ZNF644: variants seen among roughly 807,000 people sequenced by gnomAD.
ZNF644 encodes zinc finger motif enhancer binding protein 2.
A neutral mutation model predicts 108.0 loss-of-function variants in ZNF644; 20 were observed. The ratio of observed to expected loss-of-function variants is 0.19; its 90% CI spans 0.13 to 0.27. The LOEUF (loss-of-function observed/expected upper bound fraction) is 0.27, where lower values mean the gene tolerates loss of function less well. ZNF644 is among the 10% of genes least tolerant of loss of function. The pLI, the probability that ZNF644 is intolerant of heterozygous loss-of-function variation, is 1.00. For synonymous variants in ZNF644, 542 were observed against 539.1 expected, an observed-to-expected ratio of 1.01 and a Z score of -0.08; for missense variants, 1,338 against 1,548.9, an observed-to-expected ratio of 0.86 and a Z score of 2.29.
intron 4 of ZNF644, chr1:90,935,569 CA>C (rs1651224537): frequency 1.0e-6 from 1 of 985,434 alleles, no homozygotes; most frequent in Non-Finnish European, 1.2e-6. Context: ...GTTCTCACTT[CA>C]AAAAGTGAAA....
At chr1:90,986,029 TA>T (rs1162352783) in intron 1 of ZNF644, among the ~76,000 whole-genome samples, 3 of 152,118 alleles carry the variant, frequency 2.0e-5, no homozygotes, top group Non-Finnish European at 4.4e-5. Context: ...ACAAGTATGA[TA>T]GAAAGTATTT....
At chr1:90,937,359 G>GT in intron 4 of ZNF644, 126 bp downstream of exon 4, 3 of 1,216,518 alleles carry the variant, frequency 2.5e-6, no homozygotes, top group Non-Finnish European at 3.5e-6. Flanking sequence ...TCTGTGCTCT[G>GT]TAAAAAAAAA....
chr1:90,940,324 T>C lies in ZNF644; in HGVS notation c.1030A>G (p.Lys344Glu). ...AVDSQKYALS[K>E]VKPESTDEDL... ...TCATCAGTTGATTCAGGCTTCACTTTTGATAATGCATATTTCTGTGAGTCT... is the reference window on the plus strand; with the variant it reads ...TCATCAGTTGATTCAGGCTTCACTTCTGATAATGCATATTTCTGTGAGTCT... Residue 344 changes from lysine to glutamate, a missense_variant, in exon 3 of 6, where the codon AAA (lysine) becomes GAA (glutamate). Coordinates refer to ENST00000337393, the MANE Select transcript of ZNF644 (RefSeq NM_201269.3). 1.2e-6 allele frequency: 2 copies of C among 1,613,960 alleles called. No individual in the cohort carries two copies. The highest frequency in any genetic ancestry group is 8.5e-7 in the Non-Finnish European group (1 of 1,179,950).
At chr1:90,966,745 C>G (rs1654938295) in intron 2 of ZNF644, among the ~76,000 whole-genome samples, 1 of 72,514 alleles carries the variant, frequency 1.4e-5, no homozygotes, top group Non-Finnish European at 2.7e-5. Flanking sequence ...GAGACTCAGT[C>G]TCAAAAAAAA....
intron 1 of ZNF644, among the ~76,000 whole-genome samples, chr1:90,996,926 A>T (rs896851632): frequency 2.6e-5 from 4 of 152,204 alleles, no homozygotes; most frequent in South Asian, 4.1e-4. Context: ...TCGCAAAGCT[A>T]TCTTAATTTG....
chr1:90,964,837 G>A (rs1030038001), intron 2 of ZNF644, among the ~76,000 whole-genome samples: 3 of 152,104 alleles, frequency 2.0e-5, no homozygotes, highest in African/African-American at 7.2e-5. Context: ...TCTTGTGATA[G>A]TATTTAGTTT....
chr1:90,990,561 C>G (rs1438494645), intron 1 of ZNF644, among the ~76,000 whole-genome samples: 1 of 152,162 alleles, frequency 6.6e-6, no homozygotes, highest in African/African-American at 2.4e-5. Context: ...TATGCAGAAT[C>G]TGGTGGTAAT....
At chr1:90,932,005 C>T (rs375610678) in intron 4 of ZNF644, among the ~76,000 whole-genome samples, 4 of 152,110 alleles carry the variant, frequency 2.6e-5, no homozygotes, top group Middle Eastern at 3.4e-3. Flanking sequence ...TGGGATGGGG[C>T]CCACAGCTTT....
chr1:91,016,961 T>C (rs1660488222), intron 1 of ZNF644, among the ~76,000 whole-genome samples: 1 of 152,156 alleles, frequency 6.6e-6, no homozygotes, highest in Admixed American at 6.5e-5. Flanking sequence ...GCCTCCCAAG[T>C]AGCTGGGACT....
chr1:90,972,500 AT>A (rs1308528850), intron 2 of ZNF644, among the ~76,000 whole-genome samples: 11 of 152,218 alleles, frequency 7.2e-5, no homozygotes, highest in Non-Finnish European at 8.8e-5. Context: ...AAACAGGAAC[AT>A]TTGTGCACTG....
At chr1:90,933,125 T>C (rs72722401) in intron 4 of ZNF644, among the ~76,000 whole-genome samples, 2,205 of 152,338 alleles carry the variant, frequency 0.014, 30 homozygotes, top group South Asian at 0.036. Context: ...CAGTTATTTA[T>C]AAGTAATTAA....
intron 4 of ZNF644, among the ~76,000 whole-genome samples, chr1:90,922,490 A>C (rs1212556110): frequency 6.6e-6 from 1 of 152,120 alleles, no homozygotes; most frequent in Non-Finnish European, 1.5e-5. Flanking sequence ...CACTATTAAA[A>C]AGTTGGTGCT....
Position 90,990,370 on chromosome 1 carries a change from G to A in ZNF644, c.-17-8000C>T, listed in dbSNP as rs750554643. 2.6e-5 allele frequency among the ~76,000 whole-genome samples: 4 copies of A among 152,342 alleles called. No individual in the cohort carries two copies. In the East Asian group the frequency reaches 5.8e-4, roughly 22 times the overall value. ...AAGTACATATAAGAGCCAAGGTGGA[G>A]TAACAGGAATTGGGTTTGCCTTCCT... On this transcript the variant is annotated intron_variant, in intron 1 of 5. Coordinates refer to ENST00000337393, the MANE Select transcript of ZNF644 (RefSeq NM_201269.3).
At chr1:91,014,103 C>T (rs1318561620) in intron 1 of ZNF644, among the ~76,000 whole-genome samples, 1 of 152,064 alleles carries the variant, frequency 6.6e-6, no homozygotes, top group Non-Finnish European at 1.5e-5. Flanking sequence ...TGGTGTACAA[C>T]ACATTTTGAA....
chr1:90,997,332 G>A (rs1205746843), intron 1 of ZNF644, among the ~76,000 whole-genome samples: 1 of 152,078 alleles, frequency 6.6e-6, no homozygotes, highest in Non-Finnish European at 1.5e-5. Flanking sequence ...ATTGCTCCCA[G>A]GCATTTAATG....
chr1:90,959,632 A>T (rs903498896), intron 2 of ZNF644, among the ~76,000 whole-genome samples: 5 of 152,228 alleles, frequency 3.3e-5, no homozygotes, highest in African/African-American at 1.2e-4. Flanking sequence ...CACATATTCT[A>T]TGGTTTCTTT....
intron 1 of ZNF644, among the ~76,000 whole-genome samples, chr1:91,014,984 T>C (rs944210516): frequency 6.6e-6 from 1 of 152,178 alleles, no homozygotes; most frequent in Non-Finnish European, 1.5e-5. Context: ...CACAGGATTA[T>C]TAAAAGAATA....
intron 1 of ZNF644, among the ~76,000 whole-genome samples, chr1:91,003,557 G>C (rs1238749162): frequency 6.6e-6 from 1 of 152,066 alleles, no homozygotes; most frequent in East Asian, 1.9e-4. Flanking sequence ...GGGAGGGATA[G>C]CATTAGGAGA....
At chr1:90,930,155 G>T (rs922339810) in intron 4 of ZNF644, among the ~76,000 whole-genome samples, 1 of 152,062 alleles carries the variant, frequency 6.6e-6, no homozygotes, top group Non-Finnish European at 1.5e-5. Context: ...GCGTGATGGC[G>T]TGTGCCTGTA....
Sources: allele counts gnomAD v4.1 joint callset (sites outside exome capture counted in the v4.1 genomes callset), GRCh38; gene constraint gnomAD v4.1.1; transcripts MANE v1.5; gene names NCBI Gene and HGNC (gene_info 2026-07-23, HGNC 2026-07-21).